The following RPL35 variants were observed in gnomAD, a reference collection of about 807,000 sequenced individuals.
RPL35 encodes the protein ribosomal protein L35, also known as large ribosomal subunit protein uL29.
RPL35 carries 2 observed loss-of-function variants against 15.6 expected under a neutral mutation model. That is an observed-to-expected ratio of 0.13 (90% CI 0.05 to 0.40). The LOEUF (loss-of-function observed/expected upper bound fraction) is 0.40, where lower values mean the gene tolerates loss of function less well. Among genes scored for constraint, RPL35 ranks in the 10% least tolerant of loss-of-function variants. RPL35 has a pLI of 0.99. For missense variants in RPL35, 111 were observed against 164.7 expected (o/e 0.67, Z 1.79); for synonymous variants, 93 against 67.9 (o/e 1.37, Z -1.82).
intron 1 of RPL35, 167 bp downstream of exon 1, chr9:124,861,743 C>T (rs988696815): frequency 5.0e-5 from 67 of 1,327,956 alleles, no homozygotes; most frequent in Admixed American, 2.7e-5. Flanking sequence ...GGCCGCGCGC[C>T]TCTCCCGGCG....
In RPL35 at chr9:124,861,920, C is replaced by CAAGCCGCCA; in HGVS notation, c.-17_-9dup. 1 of 1,593,652 alleles carries CAAGCCGCCA rather than the reference C, an allele frequency of 6.3e-7. No individual in the cohort carries two copies. Among genetic ancestry groups the CAAGCCGCCA allele is most frequent in the Non-Finnish European group, 8.5e-7 (1 of 1,172,034 alleles). On this transcript the variant is annotated 5_prime_UTR_variant, in exon 1 of 4. Coordinates refer to ENST00000348462, the MANE Select transcript of RPL35 (RefSeq NM_007209.4). ...TTCCGCAGCTCTCACCATTGCTGCA[C>CAAGCCGCCA]AAGCCGCCAACGCCGCCGCCCGCTC...
At chr9:124,859,161 T>C (rs78956976) in intron 3 of RPL35, among the ~76,000 whole-genome samples, 1,666 of 152,344 alleles carry the variant, frequency 0.011, 55 homozygotes, top group Admixed American at 0.067. Flanking sequence ...ACAGCTAACA[T>C]AGCCACACTA....
chr9:124,861,621 A>G lies in RPL35; in HGVS notation c.4-66T>C, dbSNP rs535119017. 1.1e-3 allele frequency: 1,779 copies of G among 1,579,746 alleles called. 6 individuals carry two copies. Among genetic ancestry groups the G allele is most frequent in the Middle Eastern group, 9.8e-3 (58 of 5,902 alleles). On this transcript the variant is annotated intron_variant, in intron 1 of 3. Transcript: ENST00000348462. ...CCATATCCCCTTCACCTGCGTGGCC[A>G]GCCCCCAAAGGCGCGCGACTCGCCA...
At position 124,861,399 on chromosome 9, in the gene RPL35, G is replaced by A. The variant is rs1276108472; in HGVS notation, c.140+20C>T. 1.9e-6 allele frequency: 3 copies of A among 1,605,812 alleles called. No homozygotes were observed. The highest frequency in any genetic ancestry group is 2.6e-6 in the Non-Finnish European group (3 of 1,176,100). On this transcript the variant is annotated intron_variant, in intron 2 of 3. Transcript: ENST00000348462. ...CGTGCTCCCCACCCACGAGGGCTGT[G>A]ATCCGGCCGCCTCACTTACATCTTA...
chr9:124,859,134 G>A (rs1032343820), intron 3 of RPL35, among the ~76,000 whole-genome samples: 4 of 152,186 alleles, frequency 2.6e-5, no homozygotes, highest in South Asian at 2.1e-4. Flanking sequence ...TGCCACACAC[G>A]TGCTAGTGTC....
chr9:124,861,689 G>A, intron 1 of RPL35, 134 bp from the exon 2 acceptor site: 3 of 1,394,956 alleles, frequency 2.2e-6, no homozygotes, highest in Non-Finnish European at 2.9e-6. Context: ...GCTCAGGACA[G>A]TCTCCCTCGC....
intron 3 of RPL35, chr9:124,858,448 T>G: frequency 4.2e-6 from 3 of 715,586 alleles, no homozygotes; most frequent in Non-Finnish European, 5.2e-6. Context: ...CCGGGGGTAG[T>G]TACCATTACC....
chr9:124,861,742 C>A (rs1053383274), intron 1 of RPL35, 168 bp downstream of exon 1: 1 of 1,322,028 alleles, frequency 7.6e-7, no homozygotes, highest in South Asian at 1.4e-5. Context: ...GGGCCGCGCG[C>A]CTCTCCCGGC....
In RPL35 at chr9:124,861,455, T is replaced by C. The variant is rs757754855; in HGVS notation, c.104A>G (p.Lys35Arg). The change falls in exon 2 of 4, where the codon AAA becomes AGA. Residue 35 changes from lysine (K) to arginine (R), a missense_variant. Lys to Arg is a conservative substitution (Grantham distance 26). Coordinates refer to ENST00000348462, the MANE Select transcript of RPL35 (RefSeq NM_007209.4). ...CTTGGAGGCCGCACCGCCTGTCACT[T>C]TGGCGACGCGCAGCTGGGACAGCTC... ...KVELSQLRVA[K>R]VTGGAASKLS... 7 of 1,613,436 alleles carry C rather than the reference T, an allele frequency of 4.3e-6. No individual in the cohort carries two copies. Among genetic ancestry groups the C allele is most frequent in the Admixed American group, 1.7e-5 (1 of 59,952 alleles).
intron 3 of RPL35, among the ~76,000 whole-genome samples, chr9:124,859,096 G>A (rs1010634922): frequency 6.6e-6 from 1 of 152,208 alleles, no homozygotes; most frequent in South Asian, 2.1e-4. Flanking sequence ...AGCCACACAC[G>A]TAGCTGCTGA....
At chr9:124,860,062 T>C in intron 3 of RPL35, 121 bp downstream of exon 3, 1 of 732,676 alleles carries the variant, frequency 1.4e-6, no homozygotes, top group Non-Finnish European at 2.5e-6. Flanking sequence ...AGCAACAAAT[T>C]GGGAAGGCTA....
Position 124,860,258 on chromosome 9 carries a change from G to T in RPL35, c.147C>A (p.Val49=), listed in dbSNP as rs1223602535. Residue 49 remains valine, a synonymous_variant, in exon 3 of 4, where the codon GTC becomes GTA. Transcript: ENST00000348462. Reference sequence around the variant, plus strand: ...GAACACGGGCAATGGATTTCCGGACGACTCGGCTACAAAACAGAGATGTCA... The same window carrying T: ...GAACACGGGCAATGGATTTCCGGACTACTCGGCTACAAAACAGAGATGTCA... ...GAASKLSKIR[V]VRKSIARVLT... The T allele has an allele frequency of 2.5e-6, 4 of 1,613,574 alleles. No individual in the cohort carries two copies. Among genetic ancestry groups the T allele is most frequent in the Non-Finnish European group, 3.4e-6 (4 of 1,179,502 alleles).
In RPL35 at chr9:124,858,089, G is replaced by A. The variant is rs949042086; in HGVS notation, c.223-22C>T. 5 of 1,608,976 alleles carry A rather than the reference G, an allele frequency of 3.1e-6. No individual in the cohort carries two copies. The African/African-American group carries it at 6.7e-5, about 21-fold the overall frequency. ...TGCCCTGGGAGACAGACGGCAGGGT[G>A]AATCCAAGGACCCAGGGCTGAGGAG... On this transcript the variant is annotated intron_variant, in intron 3 of 3. Transcript: ENST00000348462.
rs750828110 is a variant in RPL35, at chr9:124,860,164, T to C, written c.222+19A>G. 15 of 1,596,730 alleles carry C rather than the reference T, an allele frequency of 9.4e-6. No individual in the cohort carries two copies. In the Admixed American group the frequency reaches 2.5e-4, roughly 27 times the overall value. ...TTGGCTTCCTGCAGCCAACCCTCCC[T>C]ATGTCCAGGCAGACTCACCTTGTAG... On this transcript the variant is annotated intron_variant, in intron 3 of 3. Coordinates refer to ENST00000348462, the MANE Select transcript of RPL35 (RefSeq NM_007209.4).
chr9:124,860,010 G>A (rs1291032245), intron 3 of RPL35, among the ~76,000 whole-genome samples, 173 bp downstream of exon 3: 1 of 152,188 alleles, frequency 6.6e-6, no homozygotes, highest in African/African-American at 2.4e-5. Flanking sequence ...GTGGTCTGCA[G>A]AGCCACGTGC....
intron 1 of RPL35, 80 bp from the exon 2 acceptor site, chr9:124,861,635 C>T: frequency 6.4e-7 from 1 of 1,552,740 alleles, no homozygotes; most frequent in African/African-American, 1.4e-5. Flanking sequence ...CCCAAAGGCG[C>T]GCGACTCGCC....
chr9:124,861,643 G>A (rs1418683781), intron 1 of RPL35, 88 bp from the exon 2 acceptor site: 2 of 1,536,314 alleles, frequency 1.3e-6, no homozygotes, highest in Non-Finnish European at 1.8e-6. Flanking sequence ...CGCGCGACTC[G>A]CCATCGACTA....
chr9:124,861,679 G>A (rs1829199883), intron 1 of RPL35, 124 bp from the exon 2 acceptor site: 4 of 1,431,122 alleles, frequency 2.8e-6, no homozygotes, highest in African/African-American at 1.4e-5. Context: ...CCCAACCAGG[G>A]CTCAGGACAG....
chr9:124,861,824 T>G, intron 1 of RPL35, 86 bp downstream of exon 1: 1 of 1,541,486 alleles, frequency 6.5e-7, no homozygotes, highest in Non-Finnish European at 8.8e-7. Flanking sequence ...AGGTGGCAGA[T>G]AGAATCCGCG....
Sources: gnomAD v4.1 joint callset for allele counts (sites outside exome capture counted in the v4.1 genomes callset) on GRCh38, gnomAD v4.1.1 for gene constraint, MANE v1.5 for transcripts, NCBI Gene and HGNC (gene_info 2026-07-23, HGNC 2026-07-21) for gene names.